The following MTIF2 variants were observed in gnomAD, a reference collection of about 807,000 sequenced individuals.
The protein encoded by MTIF2 is mitochondrial translational initiation factor 2.
MTIF2 carries 71 observed loss-of-function variants against 83.5 expected under a neutral mutation model. That is an observed-to-expected ratio of 0.85 (90% confidence interval 0.70 to 1.04). The LOEUF is 1.04. Among genes scored for constraint, MTIF2 ranks in the 50% least tolerant of loss-of-function variants. The probability of loss-of-function intolerance (pLI) is 0.00; values close to 1 mark genes in which losing one functional copy is unlikely to be tolerated. For synonymous variants in MTIF2, 319 were observed against 287.1 expected (o/e 1.11, Z -1.12); for missense variants, 957 against 846.5 (o/e 1.13, Z -1.62).
intron 8 of MTIF2, among the ~76,000 whole-genome samples, chr2:55,251,282 C>A (rs1236954291): frequency 2.0e-5 from 3 of 152,064 alleles, no homozygotes; most frequent in Non-Finnish European, 4.4e-5. Flanking sequence ...TCTCTTTTTG[C>A]ATGTATTCCC....
At chr2:55,253,764 A>C (rs192687554) in intron 7 of MTIF2, among the ~76,000 whole-genome samples, 10 of 118,074 alleles carry the variant, frequency 8.5e-5, no homozygotes, top group African/African-American at 2.7e-4. Flanking sequence ...GCAGTGAGCC[A>C]AGATTGCACC....
chr2:55,266,097 C>T (rs931414978), intron 3 of MTIF2, among the ~76,000 whole-genome samples: 2 of 151,916 alleles, frequency 1.3e-5, no homozygotes, highest in East Asian at 3.9e-4. Context: ...GAACCAATGC[C>T]CCATAGATAC....
chr2:55,263,605 A>C (rs765671717), intron 4 of MTIF2, 35 bp downstream of exon 4: 4 of 1,493,338 alleles, frequency 2.7e-6, no homozygotes, highest in Non-Finnish European at 3.7e-6. Context: ...GTGAGACTCC[A>C]TCTCAAAAAA....
rs894190340 is a variant in MTIF2 at position 55,244,167 on chromosome 2, T to C, written c.1173A>G (p.Lys391=). 3.1e-6 allele frequency: 5 copies of C among 1,613,992 alleles called. No homozygotes were observed. In the African/African-American group the frequency reaches 4.0e-5, roughly 13 times the overall value. ...ACATTAAGCGTACTTTTGCCCAACA[T>C]TTTCCAGCAACCAGAACAGAGCCTT... ...LRKGSVLVAG[K]CWAKVRLMFD... Residue 391 remains lysine, a synonymous_variant, in exon 11 of 16, where the codon AAA becomes AAG. Transcript: ENST00000263629.
At chr2:55,261,268 G>C (rs1026290169) in intron 5 of MTIF2, among the ~76,000 whole-genome samples, 1 of 152,158 alleles carries the variant, frequency 6.6e-6, no homozygotes, top group African/African-American at 2.4e-5. Context: ...ACCGTGCCTG[G>C]CTACTACCAG....
intron 4 of MTIF2, 74 bp downstream of exon 4, chr2:55,263,566 C>T (rs1057021474): frequency 8.4e-6 from 10 of 1,191,530 alleles, no homozygotes; most frequent in South Asian, 4.3e-5. Context: ...GCTGAGATCG[C>T]GCCACGGCAC....
intron 5 of MTIF2, among the ~76,000 whole-genome samples, chr2:55,255,559 C>A (rs1677451927): frequency 6.7e-6 from 1 of 149,332 alleles, no homozygotes; most frequent in African/African-American, 2.5e-5. Context: ...ATAACTCATG[C>A]CAGAACAAGC....
intron 13 of MTIF2, 121 bp downstream of exon 13, chr2:55,242,818 AG>A (rs1676423193): frequency 2.1e-6 from 2 of 967,678 alleles, no homozygotes; most frequent in African/African-American, 3.3e-5. Flanking sequence ...GGACTATAGC[AG>A]GAAGGGTGAT....
At chr2:55,264,094 T>C (rs891719169) in intron 3 of MTIF2, among the ~76,000 whole-genome samples, 2 of 152,228 alleles carry the variant, frequency 1.3e-5, no homozygotes, top group African/African-American at 4.8e-5. Flanking sequence ...GTTACCACTA[T>C]GATAGAATTG....
In MTIF2 at chr2:55,254,032, T is replaced by C; in HGVS notation, c.664+9A>G. On this transcript the variant is annotated intron_variant, in intron 7 of 15. Coordinates refer to ENST00000263629, the MANE Select transcript of MTIF2 (RefSeq NM_002453.3). ...CCCAAGCACATTGTAAGGTAATTTG[T>C]GTTCATACCAAGAAAGGCACCAATG... The C allele has an allele frequency of 6.2e-7, 1 of 1,613,414 alleles. No individual in the cohort carries two copies. The highest frequency in any genetic ancestry group is 1.1e-5 in the South Asian group (1 of 91,008).
intron 9 of MTIF2, among the ~76,000 whole-genome samples, chr2:55,248,114 TC>T (rs939544781): frequency 2.0e-4 from 31 of 152,250 alleles, no homozygotes; most frequent in Admixed American, 1.8e-3. Flanking sequence ...GGTCTTGAAC[TC>T]CTGCCTCAAT....
chr2:55,246,580 T>C (rs1383152970), intron 9 of MTIF2, 119 bp from the exon 10 acceptor site: 5 of 818,256 alleles, frequency 6.1e-6, no homozygotes, highest in Non-Finnish European at 7.5e-6. Context: ...TCTTTAATCA[T>C]TGAAAGCATG....
At chr2:55,246,587 C>T in intron 9 of MTIF2, 126 bp from the exon 10 acceptor site, 4 of 733,380 alleles carry the variant, frequency 5.5e-6, no homozygotes, top group Non-Finnish European at 8.5e-6. Context: ...TCATTGAAAG[C>T]ATGATTACTC....
intron 5 of MTIF2, among the ~76,000 whole-genome samples, chr2:55,257,835 G>A (rs113033014): frequency 0.07 from 10,629 of 152,116 alleles, 497 homozygotes; most frequent in Admixed American, 0.13. Flanking sequence ...TCAGTCTGTC[G>A]CCCTGGCTGG....
In MTIF2 at chr2:55,246,435, T is replaced by G; in HGVS notation, c.1008A>C (p.Glu336Asp). Residue 336 changes from glutamate (E) to aspartate (D), a missense_variant, in exon 10 of 16, where the codon GAA (glutamate) becomes GAC (aspartate). Physicochemically the swap from Glu to Asp is conservative, Grantham distance 45 (BLOSUM62 2). Coordinates refer to ENST00000263629, the MANE Select transcript of MTIF2 (RefSeq NM_002453.3). ...LTGDNLMALAEATVALAEMLE... is the reference protein window; with the variant it reads ...LTGDNLMALADATVALAEMLE... Reference sequence around the variant, plus strand: ...ACATTTCTGCAAGAGCAACTGTTGCTTCTGCCAAAGCCATCAGATTATCGC... The same window carrying G: ...ACATTTCTGCAAGAGCAACTGTTGCGTCTGCCAAAGCCATCAGATTATCGC... 6.2e-7 allele frequency: 1 copy of G among 1,613,758 alleles called. No individual in the cohort carries two copies. Among genetic ancestry groups the G allele is most frequent in the African/African-American group, 1.3e-5 (1 of 75,054 alleles).
At chr2:55,260,632 C>G (rs1335095268) in intron 5 of MTIF2, among the ~76,000 whole-genome samples, 1 of 152,194 alleles carries the variant, frequency 6.6e-6, no homozygotes, top group African/African-American at 2.4e-5. Flanking sequence ...AGGTTCAAAT[C>G]CTGGCTCTCC....
At chr2:55,253,953 T>G in intron 7 of MTIF2, 88 bp downstream of exon 7, 1 of 1,394,286 alleles carries the variant, frequency 7.2e-7, no homozygotes. Flanking sequence ...CTCTTGTACT[T>G]TGAATTTGTA....
chr2:55,263,332 G>GTAA (rs1365641211), intron 4 of MTIF2, among the ~76,000 whole-genome samples: 1 of 152,192 alleles, frequency 6.6e-6, no homozygotes, highest in African/African-American at 2.4e-5. Context: ...ATTGCTTGGA[G>GTAA]TAATACTTTA....
At chr2:55,261,589 G>A (rs528337250) in intron 5 of MTIF2, among the ~76,000 whole-genome samples, 10 of 151,906 alleles carry the variant, frequency 6.6e-5, no homozygotes, top group South Asian at 4.2e-4. Context: ...CCTGGGCAAC[G>A]AGAGTGAAAC....
Sources: allele counts gnomAD v4.1 joint callset (sites outside exome capture counted in the v4.1 genomes callset), GRCh38; gene constraint gnomAD v4.1.1; transcripts MANE v1.5; gene names NCBI Gene and HGNC (gene_info 2026-07-23, HGNC 2026-07-21).